The following HLCS variants were observed in gnomAD, a reference collection of about 807,000 sequenced individuals.
HLCS encodes the protein biotin--protein ligase.
In HLCS, 53 loss-of-function variants were observed where a neutral mutation model predicts 75.0. That is an observed-to-expected ratio of 0.71 (90% CI 0.57 to 0.89). HLCS has a LOEUF of 0.89. Among genes scored for constraint, HLCS ranks in the 40% least tolerant of loss-of-function variants. The pLI is 0.00. For synonymous variants in HLCS, 431 were observed against 428.6 expected, an observed-to-expected ratio of 1.01 and a Z score of -0.07; for missense variants, 966 against 1,074.0, an observed-to-expected ratio of 0.90 and a Z score of 1.41.
intron 5 of HLCS, among the ~76,000 whole-genome samples, chr21:36,915,600 G>A (rs962278112): frequency 1.3e-5 from 2 of 152,188 alleles, no homozygotes; most frequent in Non-Finnish European, 2.9e-5. Context: ...CACGGTCTAA[G>A]AAGCTCCGGC....
In HLCS at chr21:36,756,556, T is replaced by A; in HGVS notation, c.2436A>T (p.Arg812=). 6.3e-7 allele frequency: 1 copy of A among 1,593,996 alleles called. No individual in the cohort carries two copies. Among genetic ancestry groups the A allele is most frequent in the Non-Finnish European group, 8.6e-7 (1 of 1,168,022 alleles). Residue 812 remains arginine, a synonymous_variant, in exon 10 of 11, where the codon CGA becomes CGT. Transcript: ENST00000674895. Reference sequence around the variant, plus strand: ...CCAGCACTGACCTGTGGACCCAGTATCGGTAATAAAGGGGAAGGACGCTGT... The same window carrying A: ...CCAGCACTGACCTGTGGACCCAGTAACGGTAATAAAGGGGAAGGACGCTGT... ...GPNSVLPLYY[R]YWVHSGQQVH...
At chr21:36,859,362 C>T (rs1183649576) in intron 6 of HLCS, among the ~76,000 whole-genome samples, 1 of 152,170 alleles carries the variant, frequency 6.6e-6, no homozygotes, top group Non-Finnish European at 1.5e-5. Context: ...TTCTTCCTTT[C>T]CTGACTTGGT....
intron 5 of HLCS, among the ~76,000 whole-genome samples, chr21:36,907,995 G>C (rs1319700691): frequency 1.3e-5 from 2 of 151,888 alleles, no homozygotes; most frequent in Non-Finnish European, 2.9e-5. Context: ...TTTAAGCCCA[G>C]GAATTTGGGC....
rs758670009 is a variant in HLCS at position 36,770,492 on chromosome 21, G to C, written c.1893-3207C>G. On this transcript the variant is annotated intron_variant, in intron 6 of 10. Coordinates refer to ENST00000674895, the MANE Select transcript of HLCS (RefSeq NM_001352514.2). Reference sequence around the variant, plus strand: ...TTCCAAGTATGTAAAATTCAAAAAGGGCAGGAAGGAGATTAGACAAAATGT... The same window carrying C: ...TTCCAAGTATGTAAAATTCAAAAAGCGCAGGAAGGAGATTAGACAAAATGT... Among the ~76,000 whole-genome samples, 24 of 151,984 alleles carry C rather than the reference G, an allele frequency of 1.6e-4. 1 individual carries two copies. The highest frequency in any genetic ancestry group is 1.6e-3 in the Admixed American group (24 of 15,260).
intron 2 of HLCS, among the ~76,000 whole-genome samples, chr21:36,940,407 C>G (rs1011924435): frequency 8.5e-5 from 13 of 152,172 alleles, no homozygotes; most frequent in Non-Finnish European, 1.8e-4. Flanking sequence ...GAACTCCTGG[C>G]CTTGAGTAAT....
chr21:36,756,383 G>A (rs578046388), intron 10 of HLCS, among the ~76,000 whole-genome samples, 159 bp downstream of exon 10: 35 of 148,048 alleles, frequency 2.4e-4, no homozygotes, highest in Admixed American at 3.4e-4. Context: ...CCCGGGAGGC[G>A]GAGCTTGCAG....
chr21:36,772,532 G>A (rs2060238716), intron 6 of HLCS, among the ~76,000 whole-genome samples: 1 of 151,442 alleles, frequency 6.6e-6, no homozygotes, highest in Non-Finnish European at 1.5e-5. Flanking sequence ...CCAGCTACTT[G>A]GGAGGCTGAG....
chr21:36,988,107 G>A (rs1434694659), intron 1 of HLCS, among the ~76,000 whole-genome samples: 2 of 152,000 alleles, frequency 1.3e-5, no homozygotes, highest in Non-Finnish European at 1.5e-5. Flanking sequence ...AACATGTTTT[G>A]AAAAGTCAAA....
chr21:36,806,069 A>G (rs2061351032), intron 6 of HLCS: 1 of 152,200 alleles, frequency 6.6e-6, no homozygotes. Context: ...CTATTTAAGG[A>G]GAGGGAAATT....
intron 6 of HLCS, among the ~76,000 whole-genome samples, chr21:36,776,482 T>C (rs1227268198): frequency 6.6e-6 from 1 of 152,098 alleles, no homozygotes; most frequent in Non-Finnish European, 1.5e-5. Flanking sequence ...TGGCACAATC[T>C]AAGCTCACTG....
intron 6 of HLCS, among the ~76,000 whole-genome samples, chr21:36,808,109 AT>A (rs1359919913): frequency 7.9e-5 from 12 of 151,898 alleles, no homozygotes; most frequent in Non-Finnish European, 1.3e-4. Flanking sequence ...ACCAAAAGAC[AT>A]TTTGGTATAT....
At chr21:36,959,269 G>C (rs1431985534) in intron 2 of HLCS, among the ~76,000 whole-genome samples, 1 of 152,178 alleles carries the variant, frequency 6.6e-6, no homozygotes, top group Non-Finnish European at 1.5e-5. Flanking sequence ...ACCCGGCCAG[G>C]TGGGTGCTGC....
Position 36,813,123 on chromosome 21 carries a change from T to C in HLCS, c.1893-45838A>G, listed in dbSNP as rs150144939. Among the ~76,000 whole-genome samples the C allele has an allele frequency of 1.4e-4, 21 of 152,324 alleles. No homozygotes were observed. In the East Asian group the frequency reaches 4.0e-3, roughly 29 times the overall value. On this transcript the variant is annotated intron_variant, in intron 6 of 10. Transcript: ENST00000674895. ...GTCCCTGTTTTCTGGCAATATGCTA[T>C]GCATATTTGCAAATATGTAAACTGC... is the stretch of plus-strand genomic sequence containing the variant.
intron 1 of HLCS, among the ~76,000 whole-genome samples, chr21:36,982,884 C>A (rs916189197): frequency 1.3e-5 from 2 of 152,094 alleles, no homozygotes; most frequent in Non-Finnish European, 2.9e-5. Flanking sequence ...CAAAAATTAG[C>A]CAGCCATGGT....
intron 1 of HLCS, among the ~76,000 whole-genome samples, chr21:36,966,070 G>C (rs539046161): frequency 2.2e-4 from 33 of 152,322 alleles, no homozygotes; most frequent in East Asian, 1.5e-3. Context: ...CGCCACAGCT[G>C]TCTCTCCTGG....
At chr21:36,819,772 C>T (rs1177477111) in intron 6 of HLCS, among the ~76,000 whole-genome samples, 2 of 152,074 alleles carry the variant, frequency 1.3e-5, no homozygotes, top group Admixed American at 1.3e-4. Context: ...GTCTGCTGGG[C>T]TCCCAAATCC....
chr21:36,970,259 G>T (rs2068749464), upstream of HLCS, among the ~76,000 whole-genome samples: 2 of 152,268 alleles, frequency 1.3e-5, no homozygotes, highest in African/African-American at 4.8e-5. Context: ...TTGAGACAGG[G>T]TCTTGCTATG....
intron 1 of HLCS, among the ~76,000 whole-genome samples, chr21:36,983,013 G>A (rs1242142706): frequency 6.6e-6 from 1 of 151,512 alleles, no homozygotes; most frequent in Non-Finnish European, 1.5e-5. Context: ...CAGCCTGGGC[G>A]ACACAGCGAG....
rs2066927228 is a variant in HLCS, at chr21:36,937,125, T to C, written c.761A>G (p.His254Arg). 6.2e-7 allele frequency: 1 copy of C among 1,614,058 alleles called. No homozygotes were observed. Among genetic ancestry groups the C allele is most frequent in the Non-Finnish European group, 8.5e-7 (1 of 1,180,048 alleles). The change falls in exon 4 of 11, where the codon CAC becomes CGC. Residue 254 changes from histidine (H) to arginine (R), a missense_variant. His to Arg is a conservative substitution (Grantham distance 29). Coordinates refer to ENST00000674895, the MANE Select transcript of HLCS (RefSeq NM_001352514.2). ...EHYHLHLSSCHECLELENSTI... is the reference protein window; with the variant it reads ...EHYHLHLSSCRECLELENSTI... ...GCTGTTCTCAAGTTCCAGACACTCG[T>C]GGCAACTAGACAGATGGAGGTGATA... is the stretch of plus-strand genomic sequence containing the variant.
Sources: allele counts gnomAD v4.1 joint callset (sites outside exome capture counted in the v4.1 genomes callset), GRCh38; gene constraint gnomAD v4.1.1; transcripts MANE v1.5; gene names NCBI Gene and HGNC (gene_info 2026-07-23, HGNC 2026-07-21).